The following NDE1 variants were observed in gnomAD, a reference collection of about 807,000 sequenced individuals.
NDE1 encodes nuclear distribution protein nudE homolog 1.
In NDE1, 28 loss-of-function variants were observed where a neutral mutation model predicts 43.4. The observed-to-expected ratio is 0.65, with a 90% CI of 0.48 to 0.89. The LOEUF (loss-of-function observed/expected upper bound fraction) is 0.89. Ranked by LOEUF, NDE1 falls within the 40% of genes least tolerant of loss-of-function variation. The pLI is 0.00. For missense variants in NDE1, 441 were observed against 434.1 expected, an observed-to-expected ratio of 1.02 and a Z score of -0.14; for synonymous variants, 184 against 172.0, an observed-to-expected ratio of 1.07 and a Z score of -0.55.
At chr16:15,708,738 C>T (rs569219458) in intron 8 of NDE1, 63 of 1,517,222 alleles carry the variant, frequency 4.2e-5, no homozygotes, top group African/African-American at 2.9e-4. Flanking sequence ...GGCAGAGGGG[C>T]GCATTGGGCA....
chr16:15,689,938 CAAAAA>C (rs34081814), intron 5 of NDE1, among the ~76,000 whole-genome samples: 1 of 95,072 alleles, frequency 1.1e-5, no homozygotes, highest in African/African-American at 4.0e-5. Context: ...AACTCCATCT[CAAAAA>C]AAAAAAAAAA....
At chr16:15,718,898 T>G in intron 8 of NDE1, 2 of 419,714 alleles carry the variant, frequency 4.8e-6, no homozygotes, top group African/African-American at 4.1e-5. Flanking sequence ...GAGGCCAAGG[T>G]AGGAGGATCA....
At chr16:15,674,102 A>G (rs768691251) in intron 3 of NDE1, among the ~76,000 whole-genome samples, 3 of 152,138 alleles carry the variant, frequency 2.0e-5, no homozygotes, top group Non-Finnish European at 2.9e-5. Context: ...AATGGATGTT[A>G]TTGCTGCAGC....
chr16:15,720,804 G>A (rs747952463), intron 8 of NDE1: 14 of 1,606,814 alleles, frequency 8.7e-6, no homozygotes, highest in East Asian at 6.7e-5. Flanking sequence ...AAGGCCACCC[G>A]ACCTCCCTCT....
At chr16:15,660,544 G>A (rs142741585) in intron 1 of NDE1, among the ~76,000 whole-genome samples, 2,976 of 152,158 alleles carry the variant, frequency 0.02, 52 homozygotes, top group South Asian at 0.068. Flanking sequence ...GGCCCCTACC[G>A]CCCACATCCT....
chr16:15,724,317 G>A lies in NDE1; in HGVS notation c.*66G>A, dbSNP rs760868182. On this transcript the variant is annotated 3_prime_UTR_variant, in exon 9 of 9. Transcript: ENST00000396354. ...CCTTCTCCTCGTACTGCTGGGTGAG[G>A]TTCTCGATCTCCTTCTGGAACCTCT... 4 of 1,614,116 alleles carry A rather than the reference G, an allele frequency of 2.5e-6. No homozygotes were observed. The South Asian group carries it at 4.4e-5, about 18-fold the overall frequency.
chr16:15,650,661 C>G (rs752955392), intron 1 of NDE1, among the ~76,000 whole-genome samples: 3 of 152,182 alleles, frequency 2.0e-5, no homozygotes, highest in Non-Finnish European at 2.9e-5. Flanking sequence ...TAAGCCTTGC[C>G]GGTCCCCAAA....
At chr16:15,677,731 A>G in intron 3 of NDE1, 70 bp from the exon 4 acceptor site, 10 of 1,561,638 alleles carry the variant, frequency 6.4e-6, no homozygotes, top group South Asian at 1.1e-5. Context: ...CTCCAGGTGG[A>G]TGTGTGCTAC....
rs540361690 is a variant in NDE1 at position 15,663,408 on chromosome 16, T to G, written c.-43-1328T>G. 2.2e-3 allele frequency among the ~76,000 whole-genome samples: 331 copies of G among 150,970 alleles called. 3 individuals carry two copies. Among genetic ancestry groups the G allele is most frequent in the African/African-American group, 7.9e-3 (319 of 40,584 alleles). ...GTGCCCGCCACCACGCCCAGCTAAT[T>G]TTTGTATTTTTTTTTAGTAGAGACG... is the stretch of plus-strand genomic sequence containing the variant. On this transcript the variant is annotated intron_variant, in intron 1 of 8. Transcript: ENST00000396354.
rs1046975248 is a variant in NDE1, at chr16:15,675,048, T to C, written c.238-2753T>C. Among the ~76,000 whole-genome samples the C allele has an allele frequency of 4.6e-5, 7 of 152,162 alleles. No individual in the cohort carries two copies. In the South Asian group the frequency reaches 1.5e-3, roughly 32 times the overall value. ...TTGGGCAGAATGATTTGTCTGAAGA[T>C]TGCTGGGGGCTTCAGACAATGATTT... On this transcript the variant is annotated intron_variant, in intron 3 of 8. Transcript: ENST00000396354.
At chr16:15,694,140 C>T in intron 6 of NDE1, 25 bp from the exon 7 acceptor site, 1 of 1,611,346 alleles carries the variant, frequency 6.2e-7, no homozygotes, top group Non-Finnish European at 8.5e-7. Context: ...TGGTGAGTTA[C>T]ATGCTCTTCC....
intron 5 of NDE1, among the ~76,000 whole-genome samples, chr16:15,690,367 T>C (rs1261975760): frequency 8.0e-6 from 1 of 124,322 alleles, no homozygotes; most frequent in African/African-American, 3.1e-5. Context: ...TTTTTTTTTT[T>C]TTTTTTTTTT....
intron 8 of NDE1, chr16:15,703,451 GAT>G (rs1367786019): frequency 1.2e-5 from 3 of 240,830 alleles, no homozygotes; most frequent in African/African-American, 6.6e-5. Flanking sequence ...GGTTACCGTG[GAT>G]ATGTTTTTCT....
intron 7 of NDE1, chr16:15,694,729 T>TA: frequency 3.0e-6 from 3 of 985,336 alleles, no homozygotes; most frequent in Non-Finnish European, 3.6e-6. Flanking sequence ...CTGTGGGAGT[T>TA]ACTGCCAGAC....
In NDE1 at chr16:15,725,516, G is replaced by C. The variant is rs914895753; in HGVS notation, c.*1265G>C. The C allele has an allele frequency of 4.5e-5, 19 of 420,158 alleles. No homozygotes were observed. The highest frequency in any genetic ancestry group is 6.1e-4 in the Middle Eastern group (1 of 1,640). The allele number at this position is 420,158 out of a possible 1,614,324, so 26.0% of individuals were successfully genotyped here. On this transcript the variant is annotated 3_prime_UTR_variant, in exon 9 of 9. Transcript: ENST00000396354. ...CCCTAAAGGTAAAAACGTCCTCTCT[G>C]TATTCTCTGGCTTTTACTCCCTAGT...
chr16:15,723,524 A>C (rs925652788), intron 8 of NDE1, among the ~76,000 whole-genome samples: 1 of 152,154 alleles, frequency 6.6e-6, no homozygotes, highest in Non-Finnish European at 1.5e-5. Context: ...GTGTGCTCCT[A>C]TAATCCCGGC....
intron 4 of NDE1, among the ~76,000 whole-genome samples, chr16:15,680,198 C>A (rs2038101995): frequency 6.6e-6 from 1 of 152,064 alleles, no homozygotes; most frequent in Non-Finnish European, 1.5e-5. Flanking sequence ...AATCTCTTTG[C>A]TTTTTTTAGC....
intron 2 of NDE1, among the ~76,000 whole-genome samples, chr16:15,665,952 C>T (rs1194467594): frequency 6.6e-6 from 1 of 151,974 alleles, no homozygotes; most frequent in Admixed American, 6.6e-5. Context: ...GACGGGGTTT[C>T]TCCATGTTGG....
exon 1 of NDE1, chr16:15,643,510 T>G (rs1399355803): frequency 2.6e-6 from 1 of 383,934 alleles, no homozygotes; most frequent in Non-Finnish European, 5.1e-6. Context: ...TTCAGCTCTT[T>G]CAGGCTTTGG....
Sources: gnomAD v4.1 joint callset for allele counts (sites outside exome capture counted in the v4.1 genomes callset) on GRCh38, gnomAD v4.1.1 for gene constraint, MANE v1.5 for transcripts, NCBI Gene and HGNC (gene_info 2026-07-23, HGNC 2026-07-21) for gene names.